UBE2E1: variants seen among roughly 807,000 people sequenced by gnomAD.
UBE2E1 encodes the protein ubiquitin-conjugating enzyme E2 E1.
A neutral mutation model predicts 21.4 loss-of-function variants in UBE2E1; 6 were observed. That is an observed-to-expected ratio of 0.28 (90% CI 0.15 to 0.55). The LOEUF (loss-of-function observed/expected upper bound fraction) is 0.55, where lower values mean the gene tolerates loss of function less well. Among genes scored for constraint, UBE2E1 ranks in the 20% least tolerant of loss-of-function variants. UBE2E1 has a pLI of 0.93. For synonymous variants in UBE2E1, 87 were observed against 82.7 expected, an observed-to-expected ratio of 1.05 and a Z score of -0.28; for missense variants, 142 against 236.5, an observed-to-expected ratio of 0.60 and a Z score of 2.62.
intron 3 of UBE2E1, among the ~76,000 whole-genome samples, chr3:23,850,955 G>T (rs1312186025): frequency 6.6e-6 from 1 of 151,618 alleles, no homozygotes; most frequent in African/African-American, 2.4e-5. Flanking sequence ...CAAAGTGCTG[G>T]GATTACAGGC....
rs1325278343 is a variant in UBE2E1, at chr3:23,853,107, G to C, written c.204-34460G>C. Among the ~76,000 whole-genome samples the C allele has an allele frequency of 6.6e-6, 1 of 151,944 alleles. No homozygotes were observed. The highest frequency in any genetic ancestry group is 1.5e-5 in the Non-Finnish European group (1 of 67,992). On this transcript the variant is annotated intron_variant, in intron 3 of 5. Coordinates refer to ENST00000306627, the MANE Select transcript of UBE2E1 (RefSeq NM_003341.5). The surrounding 1 kb of genome is among the most constrained non-coding windows in gnomAD (Gnocchi z 4.1). ...AATTTTATTTTTTGTTGGTCAGGCTGGTCTCGAACTCCCAACCTCAGGTGA... is the reference window on the plus strand; with the variant it reads ...AATTTTATTTTTTGTTGGTCAGGCTCGTCTCGAACTCCCAACCTCAGGTGA...
At chr3:23,877,446 G>C (rs1258403774) in intron 3 of UBE2E1, among the ~76,000 whole-genome samples, 1 of 152,078 alleles carries the variant, frequency 6.6e-6, no homozygotes, top group African/African-American at 2.4e-5. Context: ...TGACATTGTA[G>C]GCTGAGATCA....
At chr3:23,881,558 T>C (rs1011695706) in intron 3 of UBE2E1, among the ~76,000 whole-genome samples, 3 of 152,248 alleles carry the variant, frequency 2.0e-5, no homozygotes, top group Non-Finnish European at 4.4e-5. Context: ...ACCCCAATCA[T>C]ACTTTGGTTG....
chr3:23,810,472 G>C lies in UBE2E1; in HGVS notation c.153-988G>C. 6.5e-7 allele frequency: 1 copy of C among 1,535,796 alleles called. No individual in the cohort carries two copies. Among genetic ancestry groups the C allele is most frequent in the Non-Finnish European group, 8.7e-7 (1 of 1,146,694 alleles). On this transcript the variant is annotated intron_variant, in intron 2 of 5. Transcript: ENST00000306627. The surrounding 1 kb of genome is among the most constrained non-coding windows in gnomAD (Gnocchi z 5.8). ...TATCCCCAGTGTGAGCTAGAGAGCG[G>C]ACCATGAAGGAAGTGGGCAGACCCC...
intron 3 of UBE2E1, among the ~76,000 whole-genome samples, chr3:23,838,012 G>A (rs577220025): frequency 7.0e-6 from 1 of 143,746 alleles, no homozygotes; most frequent in Non-Finnish European, 1.6e-5. Context: ...ATAAGTGATA[G>A]CTGGTACAGG....
chr3:23,811,309 G>T, intron 2 of UBE2E1, 151 bp from the exon 3 acceptor site: 1 of 694,894 alleles, frequency 1.4e-6, no homozygotes, highest in South Asian at 1.7e-5. Context: ...TCCTAAACTA[G>T]GGACCTGAAG....
At chr3:23,837,144 G>A (rs2125297810) in intron 3 of UBE2E1, among the ~76,000 whole-genome samples, 1 of 152,298 alleles carries the variant, frequency 6.6e-6, no homozygotes, top group Non-Finnish European at 1.5e-5. Context: ...ATTTAGAAAT[G>A]TATATAAAGC....
Position 23,810,429 on chromosome 3 carries a change from A to C in UBE2E1, c.153-1031A>C, listed in dbSNP as rs746040167. On this transcript the variant is annotated intron_variant, in intron 2 of 5. Transcript: ENST00000306627. This position sits in a 1 kb window ranked among gnomAD's most constrained non-coding sequence, Gnocchi z 5.8. ...GTCGAGGGTTGGTGCGGAGGGAGAA[A>C]ACTGCAGGTCTCCAGTCTATCCCCA... is the stretch of plus-strand genomic sequence containing the variant. 4.6e-6 allele frequency: 7 copies of C among 1,534,924 alleles called. No individual in the cohort carries two copies. The African/African-American group carries it at 6.9e-5, about 15-fold the overall frequency.
intron 3 of UBE2E1, among the ~76,000 whole-genome samples, chr3:23,824,753 A>G (rs1376139311): frequency 2.0e-5 from 3 of 152,068 alleles, no homozygotes; most frequent in African/African-American, 4.8e-5. Flanking sequence ...AAATCTTGTC[A>G]GTTTACTCAT....
chr3:23,812,535 G>A (rs1290477442), intron 3 of UBE2E1, among the ~76,000 whole-genome samples: 2 of 152,194 alleles, frequency 1.3e-5, no homozygotes, highest in African/African-American at 2.4e-5. Context: ...AACTATTGCC[G>A]TTTTGGTTAC....
At chr3:23,882,611 C>T (rs1701075609) in intron 3 of UBE2E1, among the ~76,000 whole-genome samples, 2 of 150,702 alleles carry the variant, frequency 1.3e-5, no homozygotes, top group Admixed American at 6.6e-5. Context: ...GCTCAGGCCA[C>T]GTGGGAGCCC....
At chr3:23,827,470 T>C (rs952819200) in intron 3 of UBE2E1, among the ~76,000 whole-genome samples, 6 of 152,240 alleles carry the variant, frequency 3.9e-5, no homozygotes, top group Admixed American at 1.3e-4. Context: ...TTATTAAGTA[T>C]GTCAATATGA....
At position 23,876,136 on chromosome 3, in the gene UBE2E1, C is replaced by T. The variant is rs185299196; in HGVS notation, c.204-11431C>T. On this transcript the variant is annotated intron_variant, in intron 3 of 5. Transcript: ENST00000306627. The surrounding 1 kb of genome is among the most constrained non-coding windows in gnomAD (Gnocchi z 4.3). Reference sequence around the variant, plus strand: ...GGAGCCCTTTAGGTTGGCTCTAGGTCTGCAAGTTCTTTCCAAGGGATAGTT... The same window carrying T: ...GGAGCCCTTTAGGTTGGCTCTAGGTTTGCAAGTTCTTTCCAAGGGATAGTT... Among the ~76,000 whole-genome samples the T allele has an allele frequency of 6.6e-6, 1 of 152,170 alleles. No individual in the cohort carries two copies. The highest frequency in any genetic ancestry group is 1.5e-5 in the Non-Finnish European group (1 of 68,028).
chr3:23,845,583 C>CTGTGTGTGTGTGTGTGTGTGTG (rs768414328), intron 3 of UBE2E1, among the ~76,000 whole-genome samples: 3 of 48,892 alleles, frequency 6.1e-5, no homozygotes, highest in East Asian at 7.3e-4. Flanking sequence ...CTCTCTCTCT[C>CTGTGTGTGTGTGTGTGTGTGTG]TCTCTCTGTG....
intron 3 of UBE2E1, among the ~76,000 whole-genome samples, chr3:23,837,171 G>A (rs189075135): frequency 6.6e-6 from 1 of 152,226 alleles, no homozygotes; most frequent in Admixed American, 6.5e-5. Context: ...AACAGTGCCT[G>A]GCTCACAGTA....
Position 23,807,334 on chromosome 3 carries a change from C to G in UBE2E1, c.65C>G (p.Thr22Ser), listed in dbSNP as rs1171827356. The G allele has an allele frequency of 6.2e-7, 1 of 1,613,964 alleles. No homozygotes were observed. The highest frequency in any genetic ancestry group is 8.5e-7 in the Non-Finnish European group (1 of 1,179,968). Residue 22 changes from threonine (T) to serine (S), a missense_variant, in exon 2 of 6, where the codon ACC (threonine) becomes AGC (serine). Around this residue, in one of 2 missense-constraint regions of UBE2E1, gnomAD observed 55 missense variants for 51.5 expected, o/e 1.07. Coordinates refer to ENST00000306627, the MANE Select transcript of UBE2E1 (RefSeq NM_003341.5). ...SSSSSSSNQQ[T>S]EKETNTPKKK... The stretch of plus-strand genomic sequence containing the variant: ...TCATCTTCGTCTTCCAACCAGCAAA[C>G]CGAGAAAGAAACAAACACCCCCAAG...
At chr3:23,873,407 C>T (rs1464573152) in intron 3 of UBE2E1, among the ~76,000 whole-genome samples, 1 of 151,032 alleles carries the variant, frequency 6.6e-6, no homozygotes, top group Non-Finnish European at 1.5e-5. Context: ...CCCCATGGCC[C>T]TGGGAGGGTG....
intron 3 of UBE2E1, among the ~76,000 whole-genome samples, chr3:23,873,898 T>C (rs1417653435): frequency 6.6e-6 from 1 of 152,252 alleles, no homozygotes; most frequent in Admixed American, 6.5e-5. Context: ...CTGAAAATTA[T>C]TATTACCAGA....
At chr3:23,820,730 C>T (rs1699627324) in intron 3 of UBE2E1, among the ~76,000 whole-genome samples, 1 of 152,110 alleles carries the variant, frequency 6.6e-6, no homozygotes, top group South Asian at 2.1e-4. Flanking sequence ...TGATCTGAGT[C>T]ATTATTAAAT....
Sources: gnomAD v4.1 joint callset for allele counts (sites outside exome capture counted in the v4.1 genomes callset) on GRCh38, gnomAD v4.1.1 for gene constraint, gnomAD v4.1.1 regional missense constraint, Gnocchi (gnomAD v3.1) non-coding constraint, MANE v1.5 for transcripts, NCBI Gene and HGNC (gene_info 2026-07-23, HGNC 2026-07-21) for gene names.